The following MRPL21 variants were observed in gnomAD, a reference collection of about 807,000 sequenced individuals.
MRPL21 encodes the protein mitochondrial ribosomal protein L21.
Under a neutral mutation model 27.3 loss-of-function variants are expected in MRPL21, and 20 were observed. The ratio of observed to expected loss-of-function variants is 0.73; its 90% CI spans 0.52 to 1.06. The LOEUF is 1.06. Among genes scored for constraint, MRPL21 ranks in the 50% least tolerant of loss-of-function variants. The pLI is 0.00. For synonymous variants in MRPL21, 98 were observed against 101.5 expected, an observed-to-expected ratio of 0.97 and a Z score of 0.21; for missense variants, 249 against 251.4, an observed-to-expected ratio of 0.99 and a Z score of 0.06.
Position 68,895,713 on chromosome 11 carries a change from C to T in MRPL21, c.396+802G>A, listed in dbSNP as rs533351769. ...TGAGACAGGGTCTCGCTGTGTTGCC[C>T]AGGCTCGAGTGCAGTGGCCAATCAC... On this transcript the variant is annotated intron_variant, in intron 4 of 6. Coordinates refer to ENST00000362034, the MANE Select transcript of MRPL21 (RefSeq NM_181514.2). Among the ~76,000 whole-genome samples the T allele has an allele frequency of 7.2e-5, 11 of 152,284 alleles. No homozygotes were observed. The South Asian group carries it at 1.7e-3, about 23-fold the overall frequency.
chr11:68,895,286 G>C (rs975231056), intron 4 of MRPL21, among the ~76,000 whole-genome samples: 1 of 151,628 alleles, frequency 6.6e-6, no homozygotes, highest in Non-Finnish European at 1.5e-5. Flanking sequence ...CAAAAAAAAA[G>C]AGTAGGCAAA....
intron 1 of MRPL21, among the ~76,000 whole-genome samples, chr11:68,902,821 C>T (rs1408642145): frequency 1.3e-5 from 2 of 151,710 alleles, no homozygotes; most frequent in African/African-American, 4.9e-5. Context: ...TCCCCCAATC[C>T]TCTTACCCCC....
rs778460799 is a variant in MRPL21 at position 68,893,001 on chromosome 11, G to A, written c.450-8C>T. On this transcript the variant is annotated splice_polypyrimidine_tract_variant and splice_region_variant and intron_variant, in intron 5 of 6. Transcript: ENST00000362034. ...ACTCGAACAAGATCCTTTCTAGAAG[G>A]AAGAAAAATCAACAATAATGTACCT... is the stretch of plus-strand genomic sequence containing the variant. 25 of 1,556,992 alleles carry A rather than the reference G, an allele frequency of 1.6e-5. No homozygotes were observed. The highest frequency in any genetic ancestry group is 1.6e-5 in the Non-Finnish European group (19 of 1,155,506).
At chr11:68,899,438 A>T (rs769618113) in intron 2 of MRPL21, among the ~76,000 whole-genome samples, 1 of 152,302 alleles carries the variant, frequency 6.6e-6, no homozygotes, top group Admixed American at 6.5e-5. Context: ...CTCCACACCA[A>T]TCTGGGAGAG....
At chr11:68,899,077 C>T (rs890368096) in intron 2 of MRPL21, among the ~76,000 whole-genome samples, 3 of 152,120 alleles carry the variant, frequency 2.0e-5, no homozygotes, top group Non-Finnish European at 2.9e-5. Context: ...CATGAGCCAC[C>T]GTGCCCAGCC....
chr11:68,892,638 G>A (rs530761073), intron 6 of MRPL21: 2 of 1,427,040 alleles, frequency 1.4e-6, no homozygotes, highest in Non-Finnish European at 1.8e-6. Flanking sequence ...AGCGAGGTGG[G>A]GTCACGTGCG....
chr11:68,896,828 T>C, intron 3 of MRPL21, 150 bp from the exon 4 acceptor site: 16 of 946,598 alleles, frequency 1.7e-5, no homozygotes, highest in Non-Finnish European at 2.5e-5. Flanking sequence ...GCCCAGCCCC[T>C]GCTCCACCCC....
At chr11:68,897,312 C>T (rs150938234) in intron 3 of MRPL21, among the ~76,000 whole-genome samples, 2 of 152,256 alleles carry the variant, frequency 1.3e-5, no homozygotes, top group African/African-American at 2.4e-5. Flanking sequence ...TGACCGAGGG[C>T]GAGACACACA....
intron 6 of MRPL21, chr11:68,891,621 G>A (rs1011530786): frequency 3.4e-6 from 2 of 595,656 alleles, no homozygotes; most frequent in South Asian, 1.9e-5. Flanking sequence ...ATGGCCAGGA[G>A]TGCCCTGCGC....
At chr11:68,892,704 G>A (rs1277247282) in intron 6 of MRPL21, 186 bp downstream of exon 6, 3 of 1,528,188 alleles carry the variant, frequency 2.0e-6, no homozygotes, top group Admixed American at 4.0e-5. Flanking sequence ...TGGAGGAGAA[G>A]GGGAGCGAGG....
chr11:68,903,541 C>A (rs1363965563), intron 1 of MRPL21, among the ~76,000 whole-genome samples, 182 bp downstream of exon 1: 1 of 152,216 alleles, frequency 6.6e-6, no homozygotes, highest in East Asian at 1.9e-4. Flanking sequence ...AGTATTCAGG[C>A]TACTAACTGA....
At chr11:68,897,085 C>T (rs938668764) in intron 3 of MRPL21, among the ~76,000 whole-genome samples, 2 of 152,154 alleles carry the variant, frequency 1.3e-5, no homozygotes, top group African/African-American at 4.8e-5. Context: ...GTGTGCAAAC[C>T]CCAGGAAGCG....
chr11:68,891,577 TG>T, intron 6 of MRPL21, 182 bp from the exon 7 acceptor site: 1 of 655,310 alleles, frequency 1.5e-6, no homozygotes, highest in South Asian at 1.7e-5. Flanking sequence ...TTCACTCTGT[TG>T]GCAGGTGCAG....
At chr11:68,897,290 G>A (rs914109459) in intron 3 of MRPL21, among the ~76,000 whole-genome samples, 2 of 152,034 alleles carry the variant, frequency 1.3e-5, no homozygotes, top group Non-Finnish European at 2.9e-5. Flanking sequence ...AATGGGCACC[G>A]ACCCCCCGGC....
Position 68,893,406 on chromosome 11 carries a change from A to G in MRPL21, c.446T>C (p.Leu149Pro). 1 of 1,614,220 alleles carries G rather than the reference A, an allele frequency of 6.2e-7. No homozygotes were observed. Among genetic ancestry groups the G allele is most frequent in the Admixed American group, 1.7e-5 (1 of 60,014 alleles). Residue 149 changes from leucine (L) to proline (P), a missense_variant, in exon 5 of 7, where the codon CTC becomes CCC. Physicochemically the swap from Leu to Pro is moderately conservative, Grantham distance 98. Transcript: ENST00000362034. The part of the protein sequence containing the change: ...DNFTLLGKPL[L>P]GKDLVRVEAT... ...CCCAGCACTTCACAGCCATTACCCG[A>G]GGAGTGGCTTGCCAAGCAGCGTGAA...
At chr11:68,895,567 T>C (rs1055919467) in intron 4 of MRPL21, among the ~76,000 whole-genome samples, 3 of 152,116 alleles carry the variant, frequency 2.0e-5, no homozygotes, top group African/African-American at 7.2e-5. Context: ...GGAGAATCAC[T>C]TGAACCCAGG....
intron 3 of MRPL21, 51 bp from the exon 4 acceptor site, chr11:68,896,729 G>A (rs775478075): frequency 2.6e-5 from 42 of 1,605,630 alleles, no homozygotes; most frequent in Admixed American, 1.2e-4. Context: ...GCTCCCCCAC[G>A]CGCTGCAGTG....
chr11:68,897,120 AG>A (rs1857812781), intron 3 of MRPL21, among the ~76,000 whole-genome samples: 1 of 152,122 alleles, frequency 6.6e-6, no homozygotes, highest in South Asian at 2.1e-4. Context: ...TGCAATGAGG[AG>A]CCCCCCGTAT....
chr11:68,901,736 G>C (rs2154006132), intron 1 of MRPL21, among the ~76,000 whole-genome samples: 1 of 152,254 alleles, frequency 6.6e-6, no homozygotes, highest in East Asian at 1.9e-4. Context: ...TGACTCCCAA[G>C]TTTACACCTC....
Sources: allele counts gnomAD v4.1 joint callset (sites outside exome capture counted in the v4.1 genomes callset), GRCh38; gene constraint gnomAD v4.1.1; transcripts MANE v1.5; gene names NCBI Gene and HGNC (gene_info 2026-07-23, HGNC 2026-07-21).